PRKN: variants seen among roughly 807,000 people sequenced by gnomAD.
The protein encoded by PRKN is parkin RBR E3 ubiquitin protein ligase.
A neutral mutation model predicts 59.5 loss-of-function variants in PRKN; 56 were observed. That is an observed-to-expected ratio of 0.94 (90% CI 0.76 to 1.18). The LOEUF is 1.18. Among genes scored for constraint, PRKN ranks in the 50% most tolerant of loss-of-function variants. The pLI is 0.00. For missense variants in PRKN, 657 were observed against 596.4 expected, an observed-to-expected ratio of 1.10 and a Z score of -1.06; for synonymous variants, 250 against 222.1, an observed-to-expected ratio of 1.13 and a Z score of -1.12.
At chr6:162,240,680 A>G (rs1778947909) in intron 3 of PRKN, among the ~76,000 whole-genome samples, 1 of 152,224 alleles carries the variant, frequency 6.6e-6, no homozygotes, top group Non-Finnish European at 1.5e-5. Context: ...TCAAGACCAT[A>G]GAAGTCAACC....
chr6:162,427,950 G>A (rs1789322650), intron 2 of PRKN, among the ~76,000 whole-genome samples: 1 of 152,152 alleles, frequency 6.6e-6, no homozygotes, highest in African/African-American at 2.4e-5. Context: ...CACAATCAGA[G>A]AGCAGTACAT....
intron 7 of PRKN, among the ~76,000 whole-genome samples, chr6:161,784,269 G>T (rs1029014688): frequency 1.3e-5 from 2 of 152,110 alleles, no homozygotes; most frequent in African/African-American, 4.8e-5. Context: ...AAAAGTATTA[G>T]CAACAACAAC....
Position 161,548,544 on chromosome 6 carries a change from C to T in PRKN, c.1083+310G>A, listed in dbSNP as rs889851977. Reference sequence around the variant, plus strand: ...TCTGAAGAAAGAATAAATTTTTGCTCTGCATCAGCTGAGTGCTGGGAGAAA... The same window carrying T: ...TCTGAAGAAAGAATAAATTTTTGCTTTGCATCAGCTGAGTGCTGGGAGAAA... On this transcript the variant is annotated intron_variant, in intron 9 of 11. Coordinates refer to ENST00000366898, the MANE Select transcript of PRKN (RefSeq NM_004562.3). This position sits in a 1 kb window ranked among gnomAD's most constrained non-coding sequence, Gnocchi z 4.2. 6.6e-6 allele frequency among the ~76,000 whole-genome samples: 1 copy of T among 152,148 alleles called. No homozygotes were observed. Among genetic ancestry groups the T allele is most frequent in the Non-Finnish European group, 1.5e-5 (1 of 68,028 alleles).
intron 4 of PRKN, among the ~76,000 whole-genome samples, chr6:162,113,841 G>GT (rs1446181308): frequency 6.6e-6 from 1 of 152,076 alleles, no homozygotes; most frequent in Non-Finnish European, 1.5e-5. Context: ...GGTTTTTATG[G>GT]TTTTAGGTCT....
At chr6:161,358,788 CTTTTTTTTTT>C (rs34428983) in intron 11 of PRKN, among the ~76,000 whole-genome samples, 4 of 67,820 alleles carry the variant, frequency 5.9e-5, no homozygotes, top group African/African-American at 6.6e-5. Flanking sequence ...GCCTTCTGCT[CTTTTTTTTTT>C]TTTTTTTTTT....
chr6:161,460,176 C>T lies in PRKN; in HGVS notation c.1084-73299G>A, dbSNP rs1484349102. Reference sequence around the variant, plus strand: ...AGGACAGATTTTGGTGGTAATACAACCAAAGTTTATAATAGGAATATAATC... The same window carrying T: ...AGGACAGATTTTGGTGGTAATACAATCAAAGTTTATAATAGGAATATAATC... On this transcript the variant is annotated intron_variant, in intron 9 of 11. Coordinates refer to ENST00000366898, the MANE Select transcript of PRKN (RefSeq NM_004562.3). The surrounding 1 kb of genome is among the most constrained non-coding windows in gnomAD (Gnocchi z 5.0). Among the ~76,000 whole-genome samples, 1 of 152,138 alleles carries T rather than the reference C, an allele frequency of 6.6e-6. No individual in the cohort carries two copies.
chr6:161,722,735 A>G (rs1787277828), intron 7 of PRKN, among the ~76,000 whole-genome samples: 1 of 152,192 alleles, frequency 6.6e-6, no homozygotes, highest in Non-Finnish European at 1.5e-5. Context: ...ATGGTGTTTT[A>G]TTCTTCTTTT....
intron 7 of PRKN, among the ~76,000 whole-genome samples, chr6:161,630,009 T>C (rs148444912): frequency 9.4e-4 from 143 of 152,326 alleles, no homozygotes; most frequent in African/African-American, 2.5e-3. Context: ...TGGTGCACCC[T>C]GAGTTGAGCT....
intron 1 of PRKN, among the ~76,000 whole-genome samples, chr6:162,556,364 T>TGTGTGTGCGC (rs1554243416): frequency 7.7e-5 from 7 of 91,246 alleles, no homozygotes; most frequent in East Asian, 6.3e-4. Flanking sequence ...TGTGTGTGTG[T>TGTGTGTGCGC]GTGTGTGTGT....
chr6:162,062,327 G>A (rs769229503), intron 4 of PRKN, among the ~76,000 whole-genome samples: 3 of 152,152 alleles, frequency 2.0e-5, no homozygotes, highest in Non-Finnish European at 4.4e-5. Context: ...GGAATATGTG[G>A]CATGATTCCA....
At chr6:161,612,718 C>CAAAAAAAAAAAA (rs57084261) in intron 7 of PRKN, among the ~76,000 whole-genome samples, 1 of 59,630 alleles carries the variant, frequency 1.7e-5, no homozygotes, top group Non-Finnish European at 3.1e-5. Flanking sequence ...GACTCCATCT[C>CAAAAAAAAAAAA]AAAAAAAAAA....
intron 1 of PRKN, among the ~76,000 whole-genome samples, chr6:162,513,937 G>A (rs981150515): frequency 6.6e-6 from 1 of 151,636 alleles, no homozygotes; most frequent in Non-Finnish European, 1.5e-5. Context: ...TCCCAGCTAC[G>A]TGGGAGGCTG....
chr6:161,783,654 T>C (rs773007687), intron 7 of PRKN: 1 of 505,754 alleles, frequency 2.0e-6, no homozygotes, highest in Admixed American at 2.1e-5. Flanking sequence ...AATGTTTCTA[T>C]TGTTTGTGGC....
intron 1 of PRKN, among the ~76,000 whole-genome samples, chr6:162,516,232 C>A (rs73037932): frequency 0.089 from 13,513 of 152,236 alleles, 637 homozygotes; most frequent in South Asian, 0.16. Context: ...TATCTGCCAT[C>A]TGGCCAGGTG....
chr6:161,945,107 T>C (rs1779730064), intron 6 of PRKN, among the ~76,000 whole-genome samples: 1 of 101,860 alleles, frequency 9.8e-6, no homozygotes, highest in South Asian at 3.8e-4. Context: ...TGAATATAAC[T>C]TTTTTAAAAA....
chr6:161,760,135 C>T lies in PRKN; in HGVS notation c.871+25637G>A, dbSNP rs1435288016. Among the ~76,000 whole-genome samples the T allele has an allele frequency of 3.3e-5, 5 of 149,362 alleles. No homozygotes were observed. The East Asian group carries it at 8.0e-4, about 24-fold the overall frequency. On this transcript the variant is annotated intron_variant, in intron 7 of 11. Coordinates refer to ENST00000366898, the MANE Select transcript of PRKN (RefSeq NM_004562.3). ...TGCTAACTTTATTTTCTATTTATAT[C>T]GTCCACTTTATGAATACCCTTTTCC...
intron 7 of PRKN, among the ~76,000 whole-genome samples, chr6:161,694,585 C>A (rs1004158302): frequency 6.6e-6 from 1 of 152,192 alleles, no homozygotes; most frequent in Admixed American, 6.5e-5. Context: ...AAATTCCAGA[C>A]AATCACATCA....
intron 7 of PRKN, among the ~76,000 whole-genome samples, chr6:161,632,294 T>C (rs534109342): frequency 1.2e-4 from 18 of 152,272 alleles, no homozygotes; most frequent in Admixed American, 9.8e-4. Context: ...ATTGCAAGGG[T>C]TATTCTAGGA....
rs1404977772 is a variant in PRKN, at chr6:162,329,258, G to A, written c.172-66493C>T. On this transcript the variant is annotated intron_variant, in intron 2 of 11. Transcript: ENST00000366898. ...AGGACGGAAGAGCGGGTGCAGCACG[G>A]GGGACCCAGCAGTCCTTGAGCCAAG... Among the ~76,000 whole-genome samples the A allele has an allele frequency of 2.0e-5, 3 of 151,902 alleles. No homozygotes were observed. The South Asian group carries it at 6.2e-4, about 32-fold the overall frequency.
Sources: gnomAD v4.1 joint callset for allele counts (sites outside exome capture counted in the v4.1 genomes callset) on GRCh38, gnomAD v4.1.1 for gene constraint, Gnocchi (gnomAD v3.1) non-coding constraint, MANE v1.5 for transcripts, NCBI Gene and HGNC (gene_info 2026-07-23, HGNC 2026-07-21) for gene names.